The following PIGL variants were observed in gnomAD, a reference collection of about 807,000 sequenced individuals.
PIGL encodes phosphatidylinositol glycan anchor biosynthesis class L.
In PIGL, 22 loss-of-function variants were observed where a neutral mutation model predicts 31.1. The observed-to-expected ratio is 0.71, with a 90% CI of 0.51 to 1.01. The LOEUF (loss-of-function observed/expected upper bound fraction) is 1.01. Among genes scored for constraint, PIGL ranks in the 50% least tolerant of loss-of-function variants. PIGL has a pLI of 0.00. For synonymous variants in PIGL, 131 were observed against 117.4 expected (o/e 1.12, Z -0.75); for missense variants, 302 against 315.9 (o/e 0.96, Z 0.33).
intron 3 of PIGL, among the ~76,000 whole-genome samples, chr17:16,303,815 C>T (rs113424016): frequency 0.026 from 3,880 of 151,850 alleles, 163 homozygotes; most frequent in African/African-American, 0.089. Flanking sequence ...CCCGGGTTCA[C>T]GCCATTCTCC....
At chr17:16,268,144 A>T (rs985758622) in intron 2 of PIGL, among the ~76,000 whole-genome samples, 2 of 152,198 alleles carry the variant, frequency 1.3e-5, no homozygotes, top group Non-Finnish European at 2.9e-5. Context: ...TCTCCTGAAG[A>T]TGATGACTGG....
intron 2 of PIGL, among the ~76,000 whole-genome samples, chr17:16,281,762 A>C (rs1427200011): frequency 6.6e-6 from 1 of 152,234 alleles, no homozygotes; most frequent in Non-Finnish European, 1.5e-5. Flanking sequence ...GACTGGCTAA[A>C]GGAGAAAGAA....
At chr17:16,321,840 A>G (rs550216928) in intron 6 of PIGL, among the ~76,000 whole-genome samples, 29 of 151,074 alleles carry the variant, frequency 1.9e-4, no homozygotes, top group East Asian at 3.9e-4. Context: ...GCTGGAGTAC[A>G]ATGGTGCAAT....
intron 2 of PIGL, among the ~76,000 whole-genome samples, chr17:16,283,127 C>T (rs1391981226): frequency 6.6e-6 from 1 of 151,822 alleles, no homozygotes; most frequent in South Asian, 2.1e-4. Flanking sequence ...CTCAGCCTCC[C>T]GAGTAGCTGG....
At chr17:16,257,845 A>C (rs2092800853) in intron 2 of PIGL, among the ~76,000 whole-genome samples, 1 of 152,040 alleles carries the variant, frequency 6.6e-6, no homozygotes, top group Admixed American at 6.5e-5. Flanking sequence ...CGGGCGGATC[A>C]CTTGAGGTCA....
chr17:16,259,527 A>G (rs2092810674), intron 2 of PIGL, among the ~76,000 whole-genome samples: 1 of 152,190 alleles, frequency 6.6e-6, no homozygotes. Flanking sequence ...ACAAAAAGAA[A>G]GAAAGAAAAA....
chr17:16,270,455 A>T (rs1422403352), intron 2 of PIGL, among the ~76,000 whole-genome samples: 1 of 151,858 alleles, frequency 6.6e-6, no homozygotes, highest in African/African-American at 2.4e-5. Context: ...TTATAAATTA[A>T]TTAATTATAA....
chr17:16,305,767 G>C (rs1171754752), intron 3 of PIGL, among the ~76,000 whole-genome samples: 1 of 152,128 alleles, frequency 6.6e-6, no homozygotes, highest in Non-Finnish European at 1.5e-5. Context: ...GATACTCTAG[G>C]GTTTTCTGCT....
chr17:16,232,944 C>A (rs1469635328), intron 1 of PIGL, among the ~76,000 whole-genome samples: 2 of 151,852 alleles, frequency 1.3e-5, no homozygotes, highest in Non-Finnish European at 2.9e-5. Flanking sequence ...ATGGTGAAAC[C>A]CCATCTCAAA....
intron 3 of PIGL, among the ~76,000 whole-genome samples, chr17:16,300,906 C>T (rs2093001930): frequency 6.6e-6 from 1 of 152,122 alleles, no homozygotes; most frequent in Admixed American, 6.6e-5. Context: ...CAATGGTGGA[C>T]AAGCCTAGCA....
intron 3 of PIGL, among the ~76,000 whole-genome samples, chr17:16,306,888 A>G (rs1237466657): frequency 6.6e-6 from 1 of 152,174 alleles, no homozygotes; most frequent in Non-Finnish European, 1.5e-5. Flanking sequence ...GTTCAGAGAC[A>G]GTCAGGAGAG....
At chr17:16,274,705 A>T (rs1331522793) in intron 2 of PIGL, among the ~76,000 whole-genome samples, 1 of 151,040 alleles carries the variant, frequency 6.6e-6, no homozygotes, top group South Asian at 2.1e-4. Context: ...CCTGGGGGAC[A>T]AGAGCAAGAC....
intron 5 of PIGL, chr17:16,317,018 C>T: frequency 8.7e-7 from 1 of 1,155,172 alleles, no homozygotes; most frequent in South Asian, 2.6e-5. Flanking sequence ...TCAATCCCAT[C>T]CCCCAACCAA....
At chr17:16,321,607 G>A (rs1308503469) in intron 6 of PIGL, among the ~76,000 whole-genome samples, 2 of 152,152 alleles carry the variant, frequency 1.3e-5, no homozygotes, top group Non-Finnish European at 2.9e-5. Context: ...GGTACTGAGA[G>A]TGCAGTGTTG....
chr17:16,232,976 G>A (rs2092685167), intron 1 of PIGL, among the ~76,000 whole-genome samples: 1 of 151,934 alleles, frequency 6.6e-6, no homozygotes, highest in Admixed American at 6.6e-5. Context: ...AAATTAGCCC[G>A]GTGTGGTGGC....
chr17:16,232,036 G>A (rs2092681470), intron 1 of PIGL, among the ~76,000 whole-genome samples: 2 of 152,102 alleles, frequency 1.3e-5, no homozygotes, highest in South Asian at 4.1e-4. Flanking sequence ...CCTTCACTTT[G>A]GGAGGCAGAG....
At chr17:16,303,379 GC>G (rs2093012987) in intron 3 of PIGL, among the ~76,000 whole-genome samples, 1 of 152,186 alleles carries the variant, frequency 6.6e-6, no homozygotes, top group Non-Finnish European at 1.5e-5. Flanking sequence ...AACTGCTGCA[GC>G]TGTTAACTGC....
chr17:16,271,309 C>T (rs887449869), intron 2 of PIGL, among the ~76,000 whole-genome samples: 2 of 152,216 alleles, frequency 1.3e-5, no homozygotes, highest in African/African-American at 2.4e-5. Flanking sequence ...CATTCATGCT[C>T]TGACCCTCAG....
intron 2 of PIGL, among the ~76,000 whole-genome samples, chr17:16,274,719 G>A (rs1462148594): frequency 1.3e-4 from 19 of 147,340 alleles, no homozygotes; most frequent in African/African-American, 4.1e-4. Context: ...GCAAGACTAC[G>A]TCTCAAAAAA....
Sources: gnomAD v4.1 joint callset for allele counts (sites outside exome capture counted in the v4.1 genomes callset) on GRCh38, gnomAD v4.1.1 for gene constraint, MANE v1.5 for transcripts, NCBI Gene and HGNC (gene_info 2026-07-23, HGNC 2026-07-21) for gene names.